The following SNX24 variants were observed in gnomAD, a reference collection of about 807,000 sequenced individuals.
SNX24 encodes the protein sorting nexin 24, also known as sorting nexin-24.
In SNX24, 22 loss-of-function variants were observed where a neutral mutation model predicts 28.7. The observed-to-expected ratio is 0.77, with a 90% CI of 0.55 to 1.10. The LOEUF is 1.10. SNX24 is among the 50% of genes least tolerant of loss of function. The probability of loss-of-function intolerance (pLI) is 0.00; values close to 1 mark genes in which losing one functional copy is unlikely to be tolerated. For missense variants in SNX24, 221 were observed against 201.1 expected (o/e 1.10, Z -0.60); for synonymous variants, 69 against 71.5 (o/e 0.96, Z 0.18).
intron 1 of SNX24, among the ~76,000 whole-genome samples, chr5:122,896,655 A>G (rs921223300): frequency 6.6e-6 from 1 of 152,212 alleles, no homozygotes; most frequent in African/African-American, 2.4e-5. Flanking sequence ...CTCCATGGCC[A>G]AATTCAACAA....
intron 1 of SNX24, among the ~76,000 whole-genome samples, chr5:122,916,969 G>C (rs1373527075): frequency 6.6e-6 from 1 of 152,106 alleles, no homozygotes; most frequent in East Asian, 1.9e-4. Flanking sequence ...CATTTGTGCT[G>C]AAAATACTTA....
rs1465547373 is a variant in SNX24, at chr5:122,910,937, A to G, written c.61-25797A>G. 3.3e-5 allele frequency among the ~76,000 whole-genome samples: 5 copies of G among 152,088 alleles called. No individual in the cohort carries two copies. In the East Asian group the frequency reaches 9.7e-4, roughly 29 times the overall value. On this transcript the variant is annotated intron_variant, in intron 1 of 6. Coordinates refer to ENST00000261369, the MANE Select transcript of SNX24 (RefSeq NM_014035.4). Reference sequence around the variant, plus strand: ...AATGCCTCAATAAACATACGTGTGCATGTGTCTTTATAGCAGCATGATTTA... The same window carrying G: ...AATGCCTCAATAAACATACGTGTGCGTGTGTCTTTATAGCAGCATGATTTA...
intron 3 of SNX24, among the ~76,000 whole-genome samples, chr5:122,982,836 G>A (rs1432603777): frequency 1.3e-5 from 2 of 152,064 alleles, no homozygotes; most frequent in East Asian, 1.9e-4. Flanking sequence ...AATTAAGTCT[G>A]TCCATAGATT....
chr5:122,897,631 A>G (rs1757260228), intron 1 of SNX24, among the ~76,000 whole-genome samples: 1 of 152,230 alleles, frequency 6.6e-6, no homozygotes, highest in South Asian at 2.1e-4. Context: ...ACAAAAAAAA[A>G]TTAACGTGCA....
intron 6 of SNX24, among the ~76,000 whole-genome samples, chr5:123,002,756 A>G (rs936495686): frequency 6.6e-6 from 1 of 152,230 alleles, no homozygotes; most frequent in African/African-American, 2.4e-5. Context: ...ATTGTAATCA[A>G]TATTTTCGAC....
At chr5:122,864,508 C>T (rs1316315708) in intron 1 of SNX24, among the ~76,000 whole-genome samples, 1 of 152,206 alleles carries the variant, frequency 6.6e-6, no homozygotes, top group Admixed American at 6.5e-5. Context: ...TTTATTATTA[C>T]TCAAATCAAT....
chr5:122,859,626 G>T (rs976540672), intron 1 of SNX24, among the ~76,000 whole-genome samples: 1 of 152,002 alleles, frequency 6.6e-6, no homozygotes, highest in African/African-American at 2.4e-5. Context: ...AATAATTGTC[G>T]ATGAAAAGAG....
At chr5:122,895,435 C>G (rs1161552402) in intron 1 of SNX24, among the ~76,000 whole-genome samples, 4 of 152,136 alleles carry the variant, frequency 2.6e-5, no homozygotes, top group African/African-American at 9.7e-5. Context: ...AGTCAGCCCC[C>G]CTGAGATAAT....
chr5:122,854,576 T>A (rs1354412573), intron 1 of SNX24, among the ~76,000 whole-genome samples: 1 of 151,562 alleles, frequency 6.6e-6, no homozygotes, highest in Non-Finnish European at 1.5e-5. Flanking sequence ...ATCTTATGGC[T>A]TATCCTTCCA....
chr5:122,847,545 G>A (rs1281381085), intron 1 of SNX24, among the ~76,000 whole-genome samples: 1 of 132,638 alleles, frequency 7.5e-6, no homozygotes, highest in Non-Finnish European at 1.5e-5. Flanking sequence ...CCAGGCTGGA[G>A]TGCAGTGGGG....
In SNX24 at chr5:122,869,641, C is replaced by T. The variant is rs373848770; in HGVS notation, c.60+23948C>T. ...ATTAACTTAGGATATTAGTGGTGAG[C>T]TTATTTAAAATGTCAGAAATCTTGA... is the stretch of plus-strand genomic sequence containing the variant. On this transcript the variant is annotated intron_variant, in intron 1 of 6. Coordinates refer to ENST00000261369, the MANE Select transcript of SNX24 (RefSeq NM_014035.4). 7.9e-5 allele frequency among the ~76,000 whole-genome samples: 12 copies of T among 152,182 alleles called. No individual in the cohort carries two copies. The East Asian group carries it at 9.6e-4, about 12-fold the overall frequency.
chr5:123,025,925 C>G (rs1762846838), intron 5 of SNX24: 1 of 1,609,962 alleles, frequency 6.2e-7, no homozygotes, highest in East Asian at 2.2e-5. Context: ...AGTGCTTCAG[C>G]TTGAAGTTCT....
chr5:123,020,278 C>G (rs148112869), intron 5 of SNX24, among the ~76,000 whole-genome samples: 1 of 152,094 alleles, frequency 6.6e-6, no homozygotes, highest in Admixed American at 6.5e-5. Context: ...AAGAAATGTA[C>G]CCTAGAGAAA....
At chr5:122,860,887 C>T (rs1333404315) in intron 1 of SNX24, among the ~76,000 whole-genome samples, 6 of 152,040 alleles carry the variant, frequency 3.9e-5, no homozygotes, top group South Asian at 2.1e-4. Flanking sequence ...TGAGCCACTG[C>T]GCCCGGCCAA....
chr5:122,945,562 A>T (rs1392054561), intron 2 of SNX24, among the ~76,000 whole-genome samples: 1 of 152,202 alleles, frequency 6.6e-6, no homozygotes. Context: ...TTAGGCCTTT[A>T]TGTTTTTAAG....
chr5:123,020,600 T>TA (rs1725472248), intron 5 of SNX24, among the ~76,000 whole-genome samples: 1 of 152,178 alleles, frequency 6.6e-6, no homozygotes, highest in African/African-American at 2.4e-5. Context: ...TCTTTACACA[T>TA]AAAAAATTTT....
intron 1 of SNX24, among the ~76,000 whole-genome samples, chr5:122,853,189 C>T (rs971310094): frequency 1.5e-5 from 2 of 130,890 alleles, no homozygotes; most frequent in Non-Finnish European, 3.1e-5. Flanking sequence ...TGCAGTGGCA[C>T]GATCTCGGCT....
intron 4 of SNX24, among the ~76,000 whole-genome samples, chr5:123,000,661 A>C (rs1762215211): frequency 6.6e-6 from 1 of 152,148 alleles, no homozygotes; most frequent in Non-Finnish European, 1.5e-5. Flanking sequence ...AATTAGGAAA[A>C]GCTCTCCCGA....
At chr5:122,921,490 A>G (rs1188595276) in intron 1 of SNX24, among the ~76,000 whole-genome samples, 3 of 152,312 alleles carry the variant, frequency 2.0e-5, no homozygotes, top group African/African-American at 7.2e-5. Context: ...TGACTTGTGG[A>G]AAAATGCTTG....
Sources: gnomAD v4.1 joint callset for allele counts (sites outside exome capture counted in the v4.1 genomes callset) on GRCh38, gnomAD v4.1.1 for gene constraint, MANE v1.5 for transcripts, NCBI Gene and HGNC (gene_info 2026-07-23, HGNC 2026-07-21) for gene names.